ITSN2: variants seen among roughly 807,000 people sequenced by gnomAD.
ITSN2 encodes intersectin 2, also known as intersectin-2.
Under a neutral mutation model 243.7 loss-of-function variants are expected in ITSN2, and 156 were observed. That is an observed-to-expected ratio of 0.64 (90% CI 0.56 to 0.73). The LOEUF (loss-of-function observed/expected upper bound fraction) is 0.73. Among genes scored for constraint, ITSN2 ranks in the 30% least tolerant of loss-of-function variants. The probability of loss-of-function intolerance (pLI) is 0.00; values close to 1 mark genes in which losing one functional copy is unlikely to be tolerated. For synonymous variants in ITSN2, 703 were observed against 699.9 expected, an observed-to-expected ratio of 1.00 and a Z score of -0.07; for missense variants, 1,801 against 1,996.1, an observed-to-expected ratio of 0.90 and a Z score of 1.86.
chr2:24,323,586 A>G (rs560587777), intron 2 of ITSN2, among the ~76,000 whole-genome samples: 24 of 152,344 alleles, frequency 1.6e-4, no homozygotes, highest in Middle Eastern at 3.4e-3. Context: ...AGGTGGAGGT[A>G]TAAGGGTACA....
At chr2:24,261,373 A>T (rs1216928227) in intron 21 of ITSN2, 123 bp from the exon 22 acceptor site, 2 of 901,142 alleles carry the variant, frequency 2.2e-6, no homozygotes, top group African/African-American at 3.4e-5. Flanking sequence ...GAAAAGAAAT[A>T]ATTATTAACA....
Position 24,246,448 on chromosome 2 carries a change from T to C in ITSN2, c.3386-128A>G, listed in dbSNP as rs551674170. On this transcript the variant is annotated intron_variant, in intron 28 of 39. Transcript: ENST00000355123. ...TATTAAAATTAGGCTAAAATTTCCC[T>C]TGAACTGCTCTTTCTCACCCTCCTT... The C allele has an allele frequency of 2.7e-4, 148 of 540,746 alleles. 1 individual carries two copies. The South Asian group carries it at 5.3e-3, about 19-fold the overall frequency. 33.5% of individuals were successfully genotyped at this position (540,746 alleles called of 1,614,324 possible). A position where few individuals can be genotyped will look rare whatever the true frequency, so the allele number is the denominator to read the frequency against.
intron 20 of ITSN2, among the ~76,000 whole-genome samples, chr2:24,264,805 T>C (rs943909714): frequency 2.6e-3 from 7 of 2,690 alleles, no homozygotes; most frequent in Admixed American, 5.2e-3. Flanking sequence ...CACAACTGTT[T>C]TGACTGCTGT....
intron 1 of ITSN2, among the ~76,000 whole-genome samples, chr2:24,356,610 T>C (rs1305873758): frequency 1.3e-5 from 2 of 152,096 alleles, no homozygotes; most frequent in Non-Finnish European, 2.9e-5. Context: ...ATCAGAGAAC[T>C]GCAAATCAAA....
In ITSN2 at chr2:24,275,816, C is replaced by T. The variant is rs780248525; in HGVS notation, c.1978G>A (p.Ala660Thr). Reference sequence around the variant, plus strand: ...TTGATCTTATAAAGCTGTTCAAGGGCTAACTGCTGTGTGTTGTAGGTTTCT... The same window carrying T: ...TTGATCTTATAAAGCTGTTCAAGGGTTAACTGCTGTGTGTTGTAGGTTTCT... ...LRETYNTQQL[A>T]LEQLYKIKRD... The change falls in exon 18 of 40, where the codon GCC becomes ACC. Residue 660 changes from alanine (A) to threonine (T), a missense_variant. Around this residue, in one of 5 missense-constraint regions of ITSN2, gnomAD observed 787 missense variants for 803.9 expected, o/e 0.98. Transcript: ENST00000355123. The T allele has an allele frequency of 1.9e-6, 3 of 1,612,312 alleles. No homozygotes were observed. In the Admixed American group the frequency reaches 5.0e-5, roughly 27 times the overall value.
intron 11 of ITSN2, among the ~76,000 whole-genome samples, chr2:24,300,613 G>C (rs1336491241): frequency 6.6e-6 from 1 of 152,048 alleles, no homozygotes; most frequent in African/African-American, 2.4e-5. Context: ...CAGCTACTCA[G>C]GAGGCTGAGA....
intron 24 of ITSN2, among the ~76,000 whole-genome samples, chr2:24,253,467 C>T (rs973295540): frequency 1.3e-5 from 2 of 152,204 alleles, no homozygotes; most frequent in African/African-American, 4.8e-5. Flanking sequence ...ATGACGTTCC[C>T]CCGTTCCTTG....
At chr2:24,331,984 C>T (rs566662337) in intron 1 of ITSN2, among the ~76,000 whole-genome samples, 22 of 152,322 alleles carry the variant, frequency 1.4e-4, no homozygotes, top group Admixed American at 4.6e-4. Context: ...TGGTTCATGC[C>T]TGTAATCCCA....
chr2:24,284,227 T>C (rs1040246673), intron 17 of ITSN2, among the ~76,000 whole-genome samples: 1 of 152,236 alleles, frequency 6.6e-6, no homozygotes, highest in African/African-American at 2.4e-5. Context: ...CATTTTTATC[T>C]GATGTGCAAG....
chr2:24,299,342 T>C (rs1289598941), intron 12 of ITSN2, among the ~76,000 whole-genome samples: 2 of 152,168 alleles, frequency 1.3e-5, no homozygotes, highest in Admixed American at 1.3e-4. Context: ...TTCCCTCTAT[T>C]CTGGTATCTG....
intron 2 of ITSN2, among the ~76,000 whole-genome samples, chr2:24,324,292 A>G (rs1334036655): frequency 6.6e-6 from 1 of 152,118 alleles, no homozygotes; most frequent in East Asian, 1.9e-4. Context: ...TCTAACATAC[A>G]TGGGTATATA....
chr2:24,325,147 T>C (rs1050913876), intron 2 of ITSN2, among the ~76,000 whole-genome samples: 4 of 152,112 alleles, frequency 2.6e-5, no homozygotes, highest in African/African-American at 9.7e-5. Flanking sequence ...TGATGGCTCA[T>C]GCCTGTAATC....
In ITSN2 at chr2:24,302,801, T is replaced by A. The variant is rs577620596; in HGVS notation, c.858-699A>T. ...AAACAAGATATTCTCTGATTCTCCATAGAAGGGATTAGATGAAAGAAAACA... is the reference window on the plus strand; with the variant it reads ...AAACAAGATATTCTCTGATTCTCCAAAGAAGGGATTAGATGAAAGAAAACA... On this transcript the variant is annotated intron_variant, in intron 9 of 39. Coordinates refer to ENST00000355123, the MANE Select transcript of ITSN2 (RefSeq NM_006277.3). Among the ~76,000 whole-genome samples the A allele has an allele frequency of 2.6e-5, 4 of 152,306 alleles. No homozygotes were observed. The East Asian group carries it at 7.7e-4, about 29-fold the overall frequency.
chr2:24,207,948 G>A (rs1288035516), intron 37 of ITSN2, among the ~76,000 whole-genome samples: 3 of 151,890 alleles, frequency 2.0e-5, no homozygotes, highest in East Asian at 3.9e-4. Flanking sequence ...CAGAGGTGAG[G>A]TGAGTCATGG....
intron 21 of ITSN2, 124 bp from the exon 22 acceptor site, chr2:24,261,374 A>G: frequency 1.1e-6 from 1 of 903,168 alleles, no homozygotes; most frequent in Non-Finnish European, 1.7e-6. Flanking sequence ...AAAAGAAATA[A>G]TTATTAACAA....
intron 1 of ITSN2, among the ~76,000 whole-genome samples, chr2:24,344,888 G>A (rs1687377589): frequency 1.3e-5 from 2 of 152,164 alleles, no homozygotes; most frequent in African/African-American, 4.8e-5. Context: ...AGAGGCAGAG[G>A]TTGCAGTGAG....
intron 37 of ITSN2, chr2:24,205,498 C>T (rs1042025628): frequency 3.8e-6 from 2 of 523,628 alleles, no homozygotes; most frequent in South Asian, 2.0e-5. Flanking sequence ...TCTGCCCTGC[C>T]TGCTTTCTCT....
At chr2:24,255,082 C>A (rs1430858191) in intron 23 of ITSN2, among the ~76,000 whole-genome samples, 1 of 152,188 alleles carries the variant, frequency 6.6e-6, no homozygotes. Context: ...ATGCTAAATT[C>A]TCCATTACTG....
At chr2:24,282,828 T>A (rs536482696) in intron 17 of ITSN2, among the ~76,000 whole-genome samples, 31 of 152,326 alleles carry the variant, frequency 2.0e-4, no homozygotes, top group South Asian at 4.1e-4. Context: ...TTCATAACCA[T>A]CTTCTCCCCG....
Sources: gnomAD v4.1 joint callset for allele counts (sites outside exome capture counted in the v4.1 genomes callset) on GRCh38, gnomAD v4.1.1 for gene constraint, gnomAD v4.1.1 regional missense constraint, MANE v1.5 for transcripts, NCBI Gene and HGNC (gene_info 2026-07-23, HGNC 2026-07-21) for gene names.